Variants in PLPPR1 observed in about 807,000 individuals in gnomAD.
PLPPR1 encodes the protein phospholipid phosphatase-related protein type 1.
Under a neutral mutation model 33.1 loss-of-function variants are expected in PLPPR1, and 10 were observed. That is an observed-to-expected ratio of 0.30 (90% CI 0.19 to 0.51). The LOEUF (loss-of-function observed/expected upper bound fraction) is 0.51, where lower values mean the gene tolerates loss of function less well. PLPPR1 is among the 20% of genes least tolerant of loss of function. The probability of loss-of-function intolerance (pLI) is 0.97; values close to 1 mark genes in which losing one functional copy is unlikely to be tolerated. For missense variants in PLPPR1, 304 were observed against 408.1 expected (o/e 0.74, Z 2.20); for synonymous variants, 151 against 151.0 (o/e 1.00, Z 0.00).
chr9:101,322,113 G>A (rs560295701), intron 7 of PLPPR1, among the ~76,000 whole-genome samples: 217 of 137,426 alleles, frequency 1.6e-3, no homozygotes, highest in African/African-American at 5.4e-3. Context: ...CAACACAATC[G>A]CTTGAACCCA....
At chr9:101,251,463 T>C (rs1304734585) in intron 2 of PLPPR1, among the ~76,000 whole-genome samples, 18 of 152,094 alleles carry the variant, frequency 1.2e-4, no homozygotes. Context: ...AAATCTGATT[T>C]TTCTGCCTGC....
intron 2 of PLPPR1, among the ~76,000 whole-genome samples, chr9:101,260,633 A>C (rs1358092227): frequency 6.6e-6 from 1 of 152,096 alleles, no homozygotes; most frequent in East Asian, 1.9e-4. Flanking sequence ...CAGCCTGGGG[A>C]GAGGAGAAAT....
chr9:101,147,440 C>T (rs147289960), intron 1 of PLPPR1, among the ~76,000 whole-genome samples: 42 of 152,182 alleles, frequency 2.8e-4, no homozygotes, highest in African/African-American at 1.0e-3. Flanking sequence ...TTTGGCTCAT[C>T]CTGTCTTTTT....
chr9:101,230,331 A>AT lies in PLPPR1; in HGVS notation c.64-39544dup, dbSNP rs528450924. Among the ~76,000 whole-genome samples the AT allele has an allele frequency of 2.7e-3, 416 of 152,230 alleles. 1 individual carries two copies. The highest frequency in any genetic ancestry group is 4.7e-3 in the Non-Finnish European group (322 of 67,994). On this transcript the variant is annotated intron_variant, in intron 2 of 7. Transcript: ENST00000374874. ...AGATGACTGATGCTCACAGAAGCACATTTTTGATTGTTGATATTTCCTTTC... is the reference window on the plus strand; with the variant it reads ...AGATGACTGATGCTCACAGAAGCACATTTTTTGATTGTTGATATTTCCTTTC...
intron 2 of PLPPR1, among the ~76,000 whole-genome samples, chr9:101,196,782 G>A (rs1013196810): frequency 2.6e-5 from 4 of 151,710 alleles, no homozygotes; most frequent in East Asian, 1.9e-4. Flanking sequence ...GGAGAATGGC[G>A]TGAACCCGGG....
intron 2 of PLPPR1, among the ~76,000 whole-genome samples, chr9:101,248,839 C>T (rs540639736): frequency 6.6e-6 from 1 of 152,114 alleles, no homozygotes; most frequent in South Asian, 2.1e-4. Flanking sequence ...AAGTGGTTGA[C>T]CAAATAGGTT....
chr9:101,221,173 G>C (rs2118790934), intron 2 of PLPPR1, among the ~76,000 whole-genome samples: 1 of 152,248 alleles, frequency 6.6e-6, no homozygotes, highest in African/African-American at 2.4e-5. Context: ...TGATTTGTGA[G>C]ATCCTGGTGT....
At chr9:101,236,276 A>G (rs536895655) in intron 2 of PLPPR1, among the ~76,000 whole-genome samples, 1 of 151,800 alleles carries the variant, frequency 6.6e-6, no homozygotes, top group African/African-American at 2.4e-5. Context: ...TTAACTTCCA[A>G]ATACCTATTG....
intron 1 of PLPPR1, among the ~76,000 whole-genome samples, chr9:101,184,046 A>C (rs1183285020): frequency 6.6e-6 from 1 of 151,884 alleles, no homozygotes; most frequent in South Asian, 2.1e-4. Flanking sequence ...GGCAAAATTA[A>C]AATGGTTGTC....
At chr9:101,223,258 C>T (rs1826990361) in intron 2 of PLPPR1, among the ~76,000 whole-genome samples, 1 of 151,142 alleles carries the variant, frequency 6.6e-6, no homozygotes. Flanking sequence ...ATTGCATGTG[C>T]CCAGGAGTTT....
intron 1 of PLPPR1, among the ~76,000 whole-genome samples, chr9:101,123,231 C>A (rs1172246429): frequency 1.5e-5 from 1 of 67,118 alleles, no homozygotes; most frequent in East Asian, 2.4e-4. Flanking sequence ...ATAAGTTAGT[C>A]CCGAACTAAC....
chr9:101,090,750 C>A lies in PLPPR1; in HGVS notation c.-46+61648C>A, dbSNP rs113948849. ...ACAAACAAACAAACAAACAAACAAA[C>A]AAACAGTAATGCATTATTGGGACCC... On this transcript the variant is annotated intron_variant, in intron 1 of 7. Transcript: ENST00000374874. 7.6e-3 allele frequency among the ~76,000 whole-genome samples: 1,047 copies of A among 138,168 alleles called. 14 individuals carry two copies. Among genetic ancestry groups the A allele is most frequent in the African/African-American group, 0.03 (1,010 of 33,952 alleles). 90.6% of individuals were successfully genotyped at this position (138,168 alleles called of 152,430 possible). A position where few individuals can be genotyped will look rare whatever the true frequency, so the allele number is the denominator to read the frequency against.
intron 2 of PLPPR1, among the ~76,000 whole-genome samples, chr9:101,193,159 G>T (rs1008371958): frequency 6.6e-6 from 1 of 152,084 alleles, no homozygotes; most frequent in Non-Finnish European, 1.5e-5. Context: ...TAAGAAAATG[G>T]GTCTGGCACT....
chr9:101,316,966 G>T (rs1375030874), intron 6 of PLPPR1, among the ~76,000 whole-genome samples: 2 of 152,102 alleles, frequency 1.3e-5, no homozygotes, highest in Non-Finnish European at 2.9e-5. Context: ...GGAGATAATA[G>T]TACCTCCCTT....
Position 101,182,512 on chromosome 9 carries a change from CAATT to C in PLPPR1, c.-45-2935_-45-2932del, listed in dbSNP as rs201174260. 7.4e-3 allele frequency among the ~76,000 whole-genome samples: 1,120 copies of C among 151,608 alleles called. 17 individuals are homozygous for C. The highest frequency in any genetic ancestry group is 0.025 in the African/African-American group (1,016 of 41,400). On this transcript the variant is annotated intron_variant, in intron 1 of 7. Transcript: ENST00000374874. Reference sequence around the variant, plus strand: ...ATAAATATATATAACTATTATTTGTCAATTAAAGAAAAGTGGGAGACAGCTAATG... The same window carrying C: ...ATAAATATATATAACTATTATTTGTCAAAGAAAAGTGGGAGACAGCTAATG...
chr9:101,292,217 G>T (rs544729360), intron 4 of PLPPR1, among the ~76,000 whole-genome samples: 10 of 152,232 alleles, frequency 6.6e-5, no homozygotes. Context: ...TGAATGAAAT[G>T]AAGTGAGAAG....
chr9:101,054,892 G>A (rs1197548491), intron 1 of PLPPR1, among the ~76,000 whole-genome samples: 4 of 152,170 alleles, frequency 2.6e-5, no homozygotes, highest in African/African-American at 4.8e-5. Context: ...AATCAGATAC[G>A]GAGAGCCCCC....
intron 1 of PLPPR1, among the ~76,000 whole-genome samples, chr9:101,079,506 A>G (rs1485376019): frequency 1.3e-5 from 2 of 151,922 alleles, no homozygotes; most frequent in African/African-American, 4.8e-5. Flanking sequence ...TTGGGCATGT[A>G]AGGGCTTCTA....
At chr9:101,210,473 G>A (rs539682255) in intron 2 of PLPPR1, among the ~76,000 whole-genome samples, 2 of 152,130 alleles carry the variant, frequency 1.3e-5, no homozygotes, top group South Asian at 2.1e-4. Context: ...TCTGCAGGGG[G>A]TACTTGACTT....
Sources: allele counts gnomAD v4.1 joint callset (sites outside exome capture counted in the v4.1 genomes callset), GRCh38; gene constraint gnomAD v4.1.1; transcripts MANE v1.5; gene names NCBI Gene and HGNC (gene_info 2026-07-23, HGNC 2026-07-21).